Variants in ASIC2 observed in about 807,000 individuals in gnomAD.
ASIC2 encodes the protein acid-sensing ion channel 2.
ASIC2 carries 25 observed loss-of-function variants against 57.3 expected under a neutral mutation model. The ratio of observed to expected loss-of-function variants is 0.44; its 90% CI spans 0.32 to 0.61. The LOEUF (loss-of-function observed/expected upper bound fraction) is 0.61, where lower values mean the gene tolerates loss of function less well. Among genes scored for constraint, ASIC2 ranks in the 20% least tolerant of loss-of-function variants. The pLI, the probability that ASIC2 is intolerant of heterozygous loss-of-function variation, is 0.06. For synonymous variants in ASIC2, 319 were observed against 307.5 expected (o/e 1.04, Z -0.39); for missense variants, 641 against 738.1 (o/e 0.87, Z 1.52).
At chr17:33,990,795 A>G (rs1283650554) in intron 1 of ASIC2, among the ~76,000 whole-genome samples, 1 of 152,200 alleles carries the variant, frequency 6.6e-6, no homozygotes, top group African/African-American at 2.4e-5. Context: ...TGCCTAGAGG[A>G]TTTGGAGAGG....
chr17:33,093,694 C>T (rs1006456491), intron 2 of ASIC2, among the ~76,000 whole-genome samples: 1 of 152,132 alleles, frequency 6.6e-6, no homozygotes, highest in African/African-American at 2.4e-5. Flanking sequence ...AGTGCATTTT[C>T]TGAATATGCA....
intron 1 of ASIC2, among the ~76,000 whole-genome samples, chr17:33,381,087 A>G (rs572757595): frequency 1.3e-5 from 2 of 152,346 alleles, no homozygotes; most frequent in East Asian, 3.9e-4. Flanking sequence ...TTTTCCCAGC[A>G]GGAGCTTGTA....
intron 1 of ASIC2, among the ~76,000 whole-genome samples, chr17:33,467,714 C>T (rs1912910921): frequency 6.6e-6 from 1 of 152,206 alleles, no homozygotes; most frequent in Non-Finnish European, 1.5e-5. Context: ...TTATCTCAAT[C>T]AATTGCCAAT....
chr17:33,750,105 G>A (rs1202025403), intron 1 of ASIC2, among the ~76,000 whole-genome samples: 1 of 152,134 alleles, frequency 6.6e-6, no homozygotes, highest in African/African-American at 2.4e-5. Context: ...CAGCCACTCC[G>A]CTAGGTGTAG....
At chr17:33,206,070 A>C (rs1907048471) in intron 1 of ASIC2, among the ~76,000 whole-genome samples, 2 of 152,222 alleles carry the variant, frequency 1.3e-5, no homozygotes, top group Admixed American at 1.3e-4. Flanking sequence ...AACTCACCAG[A>C]GTCATAAAAA....
chr17:33,578,469 G>A (rs1358798347), intron 1 of ASIC2, among the ~76,000 whole-genome samples: 2 of 152,124 alleles, frequency 1.3e-5, no homozygotes, highest in African/African-American at 2.4e-5. Context: ...AATAAAGACT[G>A]AACAAAGTAA....
At chr17:34,076,986 G>T (rs1909690729) in intron 1 of ASIC2, among the ~76,000 whole-genome samples, 1 of 152,184 alleles carries the variant, frequency 6.6e-6, no homozygotes, top group Non-Finnish European at 1.5e-5. Context: ...TTTCTCACGG[G>T]CTGTCTCATC....
intron 1 of ASIC2, among the ~76,000 whole-genome samples, chr17:33,865,366 T>C (rs2074646310): frequency 6.6e-6 from 1 of 152,224 alleles, no homozygotes; most frequent in Non-Finnish European, 1.5e-5. Context: ...GAAGCATCTT[T>C]TCTTTCTGTA....
chr17:34,138,462 G>A (rs1912183208), intron 1 of ASIC2, among the ~76,000 whole-genome samples: 1 of 152,228 alleles, frequency 6.6e-6, no homozygotes, highest in African/African-American at 2.4e-5. Context: ...GGAAGCACAA[G>A]CATTGGGTGC....
chr17:33,247,753 C>A (rs563555882), intron 1 of ASIC2, among the ~76,000 whole-genome samples: 1 of 152,262 alleles, frequency 6.6e-6, no homozygotes, highest in South Asian at 2.1e-4. Flanking sequence ...CGAGTCTTCC[C>A]TAAGAACAAA....
chr17:33,477,929 C>T (rs1232447776), intron 1 of ASIC2, among the ~76,000 whole-genome samples: 1 of 152,202 alleles, frequency 6.6e-6, no homozygotes, highest in African/African-American at 2.4e-5. Context: ...GATTATTCTA[C>T]AGGGTTGTGG....
chr17:33,994,240 G>A (rs1906086433), intron 1 of ASIC2, among the ~76,000 whole-genome samples: 1 of 152,166 alleles, frequency 6.6e-6, no homozygotes, highest in Admixed American at 6.5e-5. Context: ...GCCAGCAAAG[G>A]ACTATGGGTA....
At chr17:33,969,121 T>A (rs186402273) in intron 1 of ASIC2, among the ~76,000 whole-genome samples, 10 of 152,254 alleles carry the variant, frequency 6.6e-5, no homozygotes, top group African/African-American at 2.4e-4. Flanking sequence ...TCCAGGTAAT[T>A]ACAAGCATGG....
At chr17:34,044,213 G>A (rs990957564) in intron 1 of ASIC2, among the ~76,000 whole-genome samples, 2 of 152,042 alleles carry the variant, frequency 1.3e-5, no homozygotes, top group Non-Finnish European at 1.5e-5. Flanking sequence ...TGTGTTGCCA[G>A]AGGATGCCCA....
At chr17:33,421,689 G>A (rs1467123323) in intron 1 of ASIC2, among the ~76,000 whole-genome samples, 1 of 152,226 alleles carries the variant, frequency 6.6e-6, no homozygotes, top group African/African-American at 2.4e-5. Flanking sequence ...GGGCCAGGAA[G>A]TAGAAAATGG....
At chr17:34,037,754 C>A in intron 1 of ASIC2, 2 of 1,614,148 alleles carry the variant, frequency 1.2e-6, no homozygotes, top group South Asian at 1.1e-5. Flanking sequence ...GACATCAATG[C>A]GGTCCTCCTT....
intron 1 of ASIC2, among the ~76,000 whole-genome samples, chr17:34,000,035 G>A (rs543092139): frequency 6.8e-4 from 101 of 148,926 alleles, no homozygotes; most frequent in Non-Finnish European, 1.1e-3. Flanking sequence ...AGTATTTTTG[G>A]TTGAAAGTGT....
chr17:33,605,775 T>C (rs983067922), intron 1 of ASIC2, among the ~76,000 whole-genome samples: 17 of 152,300 alleles, frequency 1.1e-4, no homozygotes, highest in Admixed American at 9.2e-4. Flanking sequence ...ACACAGCACG[T>C]CCTGCCTCCG....
intron 1 of ASIC2, among the ~76,000 whole-genome samples, chr17:34,131,880 G>T (rs1251998084): frequency 1.3e-5 from 2 of 152,188 alleles, no homozygotes; most frequent in Non-Finnish European, 2.9e-5. Context: ...GCCCACTGAC[G>T]AATTACCTTG....
Sources: gnomAD v4.1 joint callset for allele counts (sites outside exome capture counted in the v4.1 genomes callset) on GRCh38, gnomAD v4.1.1 for gene constraint, MANE v1.5 for transcripts, NCBI Gene and HGNC (gene_info 2026-07-23, HGNC 2026-07-21) for gene names.